Variants in CEP70 observed in about 807,000 individuals in gnomAD.
The protein encoded by CEP70 is centrosomal protein 70.
A neutral mutation model predicts 90.9 loss-of-function variants in CEP70; 70 were observed. The observed-to-expected ratio is 0.77, with a 90% confidence interval of 0.64 to 0.94. The LOEUF is 0.94. CEP70 is among the 40% of genes least tolerant of loss of function. The probability of loss-of-function intolerance (pLI) is 0.00; values close to 1 mark genes in which losing one functional copy is unlikely to be tolerated. For missense variants in CEP70, 648 were observed against 669.0 expected (o/e 0.97, Z 0.35); for synonymous variants, 220 against 228.3 (o/e 0.96, Z 0.33).
rs560338731 is a variant in CEP70 at position 138,529,909 on chromosome 3, G to A, written c.693-447C>T. ...AAAATGTAGATCATAAGTGGAAAAA[G>A]CAACAGATTTAATAGTCTTGGTTCA... On this transcript the variant is annotated intron_variant, in intron 8 of 17. Transcript: ENST00000264982. Among the ~76,000 whole-genome samples the A allele has an allele frequency of 1.9e-4, 29 of 152,266 alleles. No individual in the cohort carries two copies. The South Asian group carries it at 6.0e-3, about 32-fold the overall frequency.
intron 6 of CEP70, among the ~76,000 whole-genome samples, chr3:138,564,672 A>G (rs1388323506): frequency 3.9e-5 from 6 of 152,190 alleles, no homozygotes; most frequent in Admixed American, 2.0e-4. Context: ...AACTCTCAAT[A>G]AACTGGGGAT....
In CEP70 at chr3:138,515,038, C is replaced by T. The variant is rs952234042; in HGVS notation, c.945-6494G>A. ...CAATAATAAAAGTCACTCGAAAGACCGGAGCCCAAATAAACAACAACAAGA... is the reference window on the plus strand; with the variant it reads ...CAATAATAAAAGTCACTCGAAAGACTGGAGCCCAAATAAACAACAACAAGA... On this transcript the variant is annotated intron_variant, in intron 11 of 17. Transcript: ENST00000264982. Among the ~76,000 whole-genome samples the T allele has an allele frequency of 7.0e-4, 107 of 151,890 alleles. 4 individuals are homozygous for T. Among genetic ancestry groups the T allele is most frequent in the African/African-American group, 1.2e-4 (5 of 41,334 alleles).
chr3:138,559,215 T>A (rs558755733), intron 6 of CEP70, among the ~76,000 whole-genome samples: 1 of 152,016 alleles, frequency 6.6e-6, no homozygotes, highest in East Asian at 1.9e-4. Context: ...ACATAAAGAA[T>A]AAACATGAAA....
intron 11 of CEP70, among the ~76,000 whole-genome samples, chr3:138,521,294 C>T (rs1428929328): frequency 6.6e-6 from 1 of 151,758 alleles, no homozygotes; most frequent in Non-Finnish European, 1.5e-5. Flanking sequence ...AGGAGCCCCT[C>T]TGCCCAGCCG....
At chr3:138,561,488 G>A (rs868761963) in intron 6 of CEP70, among the ~76,000 whole-genome samples, 1 of 151,998 alleles carries the variant, frequency 6.6e-6, no homozygotes, top group Non-Finnish European at 1.5e-5. Context: ...CCTCTTCTCT[G>A]AAGGATCACA....
chr3:138,500,087 T>C, intron 16 of CEP70, 23 bp downstream of exon 16: 6 of 1,501,140 alleles, frequency 4.0e-6, no homozygotes, highest in Non-Finnish European at 5.6e-6. Flanking sequence ...GGATGATACT[T>C]TGTAAACTTT....
intron 6 of CEP70, 118 bp downstream of exon 6, chr3:138,570,200 C>A: frequency 1.7e-6 from 1 of 585,826 alleles, no homozygotes; most frequent in Non-Finnish European, 2.9e-6. Flanking sequence ...TTCAAGGTAG[C>A]AGTGATAAGC....
chr3:138,573,107 C>T (rs2041291080), intron 2 of CEP70, 175 bp from the exon 3 acceptor site: 1 of 589,606 alleles, frequency 1.7e-6, no homozygotes, highest in Admixed American at 3.1e-5. Context: ...TCTTAGATAG[C>T]TGATTGTAAG....
At chr3:138,570,527 C>T (rs2041099650) in intron 5 of CEP70, 29 bp from the exon 6 acceptor site, 2 of 1,542,638 alleles carry the variant, frequency 1.3e-6, no homozygotes, top group East Asian at 2.4e-5. Flanking sequence ...AATTTCTTCC[C>T]TTAGTATTAA....
intron 2 of CEP70, among the ~76,000 whole-genome samples, chr3:138,574,149 C>T (rs1361205112): frequency 6.6e-6 from 1 of 152,056 alleles, no homozygotes; most frequent in Non-Finnish European, 1.5e-5. Flanking sequence ...ATTGCCTCAC[C>T]CAGGAAGTGC....
intron 6 of CEP70, among the ~76,000 whole-genome samples, chr3:138,563,866 T>C (rs913902101): frequency 5.3e-5 from 8 of 151,888 alleles, no homozygotes; most frequent in African/African-American, 1.7e-4. Flanking sequence ...ATGAAGGAGC[T>C]AGAGACACAA....
At chr3:138,550,765 G>C (rs969698570) in intron 6 of CEP70, among the ~76,000 whole-genome samples, 4 of 152,312 alleles carry the variant, frequency 2.6e-5, no homozygotes, top group South Asian at 2.1e-4. Context: ...ATAAGCAGAA[G>C]AAAGAACTTC....
chr3:138,530,488 C>T, intron 8 of CEP70: 1 of 476,166 alleles, frequency 2.1e-6, no homozygotes, highest in Non-Finnish European at 2.7e-6. Flanking sequence ...TACACATGTG[C>T]ATATAGTCTG....
intron 6 of CEP70, among the ~76,000 whole-genome samples, chr3:138,545,425 T>A (rs146859235): frequency 1.4e-3 from 213 of 152,338 alleles, no homozygotes; most frequent in African/African-American, 4.9e-3. Flanking sequence ...AATCCTGTTA[T>A]CTTTGTAAGC....
intron 2 of CEP70, among the ~76,000 whole-genome samples, chr3:138,590,646 TAA>T (rs35742919): frequency 2.2e-5 from 3 of 133,466 alleles, no homozygotes; most frequent in African/African-American, 2.7e-5. Context: ...CTAAAAATAC[TAA>T]AAAAAAAAAA....
At chr3:138,517,564 G>T (rs532805296) in intron 11 of CEP70, among the ~76,000 whole-genome samples, 1 of 152,342 alleles carries the variant, frequency 6.6e-6, no homozygotes, top group East Asian at 1.9e-4. Context: ...AGCTACTTGG[G>T]AGGCTGAGGC....
intron 6 of CEP70, among the ~76,000 whole-genome samples, chr3:138,566,091 G>A (rs942277278): frequency 2.0e-5 from 3 of 152,138 alleles, no homozygotes; most frequent in African/African-American, 7.2e-5. Flanking sequence ...ATTATCACTG[G>A]TCATTAGAGA....
rs200406072 is a variant in CEP70, at chr3:138,555,248, C to CAAA, written c.465+15067_465+15069dup. ...TGGGTGACAGATTGAGACTCCATCT[C>CAAA]AAAAAAAAAAAAAATCAACTCAAGA... On this transcript the variant is annotated intron_variant, in intron 6 of 17. Transcript: ENST00000264982. Among the ~76,000 whole-genome samples the CAAA allele has an allele frequency of 6.7e-3, 850 of 127,182 alleles. 25 individuals are homozygous for CAAA. The highest frequency in any genetic ancestry group is 7.9e-3 in the Non-Finnish European group (489 of 61,626). 83.4% of individuals were successfully genotyped at this position (127,182 alleles called of 152,430 possible). A position where few individuals can be genotyped will look rare whatever the true frequency, so the allele number is the denominator to read the frequency against.
At chr3:138,529,114 C>T (rs762422968) in intron 10 of CEP70, 85 bp downstream of exon 10, 17 of 754,290 alleles carry the variant, frequency 2.3e-5, no homozygotes, top group Non-Finnish European at 3.3e-5. Context: ...TGCGGTGAGA[C>T]GTGATCACAC....
Sources: gnomAD v4.1 joint callset for allele counts (sites outside exome capture counted in the v4.1 genomes callset) on GRCh38, gnomAD v4.1.1 for gene constraint, MANE v1.5 for transcripts, NCBI Gene and HGNC (gene_info 2026-07-23, HGNC 2026-07-21) for gene names.